The following PDE4D variants were observed in gnomAD, a reference collection of about 807,000 sequenced individuals.
PDE4D encodes phosphodiesterase 4D.
PDE4D carries 24 observed loss-of-function variants against 87.4 expected under a neutral mutation model. That is an observed-to-expected ratio of 0.27 (90% CI 0.20 to 0.39). PDE4D has a LOEUF of 0.39. Ranked by LOEUF, PDE4D falls within the 10% of genes least tolerant of loss-of-function variation. The probability of loss-of-function intolerance (pLI) is 1.00; values close to 1 mark genes in which losing one functional copy is unlikely to be tolerated. For synonymous variants in PDE4D, 384 were observed against 383.2 expected, an observed-to-expected ratio of 1.00 and a Z score of -0.02; for missense variants, 714 against 1,041.0, an observed-to-expected ratio of 0.69 and a Z score of 4.32.
At chr5:59,551,494 C>CACAAAT (rs1338144009) in intron 1 of PDE4D, among the ~76,000 whole-genome samples, 1 of 151,362 alleles carries the variant, frequency 6.6e-6, no homozygotes, top group African/African-American at 2.4e-5. Context: ...CACACACACA[C>CACAAAT]AAATACATAA....
chr5:59,910,159 C>T (rs947610501), intron 3 of PDE4D, among the ~76,000 whole-genome samples: 3 of 152,114 alleles, frequency 2.0e-5, no homozygotes, highest in African/African-American at 7.2e-5. Flanking sequence ...ACTGCCTGTG[C>T]CGCCTCTTGA....
intron 1 of PDE4D, among the ~76,000 whole-genome samples, chr5:59,282,376 C>T (rs1765982877): frequency 6.6e-6 from 1 of 151,994 alleles, no homozygotes; most frequent in African/African-American, 2.4e-5. Flanking sequence ...CGCGGTGGCT[C>T]ATGCCTATAA....
intron 1 of PDE4D, among the ~76,000 whole-genome samples, chr5:60,459,427 C>T (rs553380684): frequency 6.6e-6 from 1 of 152,096 alleles, no homozygotes; most frequent in South Asian, 2.1e-4. Context: ...TAGACAGATA[C>T]ATGTTGGTAA....
At chr5:60,476,021 T>C (rs1185652287) in intron 1 of PDE4D, among the ~76,000 whole-genome samples, 1 of 152,104 alleles carries the variant, frequency 6.6e-6, no homozygotes, top group Admixed American at 6.6e-5. Context: ...TAACAAATAA[T>C]CCTGTCAGCA....
intron 1 of PDE4D, among the ~76,000 whole-genome samples, chr5:59,398,834 A>G (rs1399360938): frequency 1.6e-5 from 2 of 123,240 alleles, no homozygotes; most frequent in Non-Finnish European, 3.4e-5. Context: ...AGAAAACCCC[A>G]TTGTCTCAGC....
chr5:59,331,047 C>T (rs1401124606), intron 1 of PDE4D, among the ~76,000 whole-genome samples: 1 of 152,180 alleles, frequency 6.6e-6, no homozygotes, highest in African/African-American at 2.4e-5. Context: ...CCTCTGTCTC[C>T]TGATCCCATT....
intron 1 of PDE4D, among the ~76,000 whole-genome samples, chr5:59,287,706 C>CA (rs1408928132): frequency 3.4e-5 from 5 of 146,150 alleles, no homozygotes; most frequent in Non-Finnish European, 7.4e-5. Flanking sequence ...ATCCAGGAAA[C>CA]AGAGACACAC....
chr5:59,225,311 T>A (rs112226488), intron 1 of PDE4D, among the ~76,000 whole-genome samples: 3 of 152,352 alleles, frequency 2.0e-5, no homozygotes, highest in African/African-American at 7.2e-5. Flanking sequence ...ATCAGTTGAC[T>A]GTGTATGTGT....
At chr5:60,327,596 C>T (rs943485898) in intron 1 of PDE4D, among the ~76,000 whole-genome samples, 9 of 152,134 alleles carry the variant, frequency 5.9e-5, no homozygotes, top group Non-Finnish European at 1.3e-4. Flanking sequence ...TATGTACCAG[C>T]TATTTAATTT....
In PDE4D at chr5:60,326,820, C is replaced by T. The variant is rs533138079; in HGVS notation, c.-89-141133G>A. Among the ~76,000 whole-genome samples the T allele has an allele frequency of 1.6e-3, 242 of 152,102 alleles. 1 individual carries two copies. The highest frequency in any genetic ancestry group is 5.3e-3 in the African/African-American group (221 of 41,530). ...CTTCTATCTTTAGAACTGCAGGCTT[C>T]GGTCATTTTTAAAGTCGTTCAAGTT... On this transcript the variant is annotated intron_variant, in intron 1 of 16. Transcript: ENST00000502484.
At chr5:60,055,712 C>T (rs1228565550) in intron 2 of PDE4D, among the ~76,000 whole-genome samples, 3 of 152,094 alleles carry the variant, frequency 2.0e-5, no homozygotes, top group Non-Finnish European at 4.4e-5. Flanking sequence ...AGTTCAGTGA[C>T]TCAATCCAAG....
Position 60,216,249 on chromosome 5 carries a change from C to T in PDE4D, c.-89-30562G>A, listed in dbSNP as rs1178360293. On this transcript the variant is annotated intron_variant, in intron 1 of 16. Coordinates refer to the PDE4D transcript ENST00000502484. The stretch of plus-strand genomic sequence containing the variant: ...ATCTTGTATTTCTATTTTGCTTAGG[C>T]CTGCAGTGATCCTCTATAGAGCCCC... 3.3e-5 allele frequency among the ~76,000 whole-genome samples: 5 copies of T among 152,174 alleles called. No homozygotes were observed. The East Asian group carries it at 9.7e-4, about 29-fold the overall frequency.
At chr5:59,524,788 A>C (rs1489013079) in intron 1 of PDE4D, among the ~76,000 whole-genome samples, 1 of 152,152 alleles carries the variant, frequency 6.6e-6, no homozygotes, top group African/African-American at 2.4e-5. Flanking sequence ...CTTCAGTCCC[A>C]ACCATGGCTA....
chr5:60,112,507 G>A (rs1011615372), intron 2 of PDE4D, among the ~76,000 whole-genome samples: 8 of 151,966 alleles, frequency 5.3e-5, no homozygotes, highest in East Asian at 1.9e-4. Context: ...AGGACCATCC[G>A]AACTTTCAGT....
intron 1 of PDE4D, among the ~76,000 whole-genome samples, chr5:59,558,360 T>C (rs1172131850): frequency 6.6e-6 from 1 of 152,072 alleles, no homozygotes; most frequent in Non-Finnish European, 1.5e-5. Flanking sequence ...GGATAGAAAA[T>C]GTTACATTGA....
intron 2 of PDE4D, among the ~76,000 whole-genome samples, chr5:60,071,218 T>C (rs956604363): frequency 2.6e-5 from 4 of 152,050 alleles, no homozygotes; most frequent in Non-Finnish European, 5.9e-5. Flanking sequence ...GTTAATTCCC[T>C]CTTTCTGCCT....
At chr5:58,984,596 T>C (rs996343233) in intron 11 of PDE4D, among the ~76,000 whole-genome samples, 5 of 152,180 alleles carry the variant, frequency 3.3e-5, no homozygotes, top group African/African-American at 1.2e-4. Flanking sequence ...AAAATTTTAA[T>C]TTCAAAATAA....
intron 2 of PDE4D, among the ~76,000 whole-genome samples, chr5:60,110,797 C>A (rs1467733693): frequency 6.6e-6 from 1 of 151,992 alleles, no homozygotes; most frequent in Non-Finnish European, 1.5e-5. Flanking sequence ...GTGGTATATA[C>A]ACACAATGAA....
At chr5:59,427,581 C>G (rs905232652) in intron 1 of PDE4D, among the ~76,000 whole-genome samples, 1 of 151,990 alleles carries the variant, frequency 6.6e-6, no homozygotes, top group African/African-American at 2.4e-5. Context: ...TGCCTGTAAT[C>G]CCAGCACTTT....
Sources: allele counts gnomAD v4.1 joint callset (sites outside exome capture counted in the v4.1 genomes callset), GRCh38; gene constraint gnomAD v4.1.1; transcripts MANE v1.5; gene names NCBI Gene and HGNC (gene_info 2026-07-23, HGNC 2026-07-21).